The following NID1 variants were observed in gnomAD, a reference collection of about 807,000 sequenced individuals.
The protein encoded by NID1 is nidogen 1.
In NID1, 76 loss-of-function variants were observed where a neutral mutation model predicts 130.6. That is an observed-to-expected ratio of 0.58 (90% CI 0.48 to 0.70). NID1 has a LOEUF of 0.70. Ranked by LOEUF, NID1 falls within the 30% of genes least tolerant of loss-of-function variation. NID1 has a pLI of 0.00. For missense variants in NID1, 1,517 were observed against 1,664.8 expected (o/e 0.91, Z 1.54); for synonymous variants, 665 against 675.1 (o/e 0.98, Z 0.23).
At position 235,993,881 on chromosome 1, in the gene NID1, G is replaced by T; in HGVS notation, c.2528-9C>A. 1 of 1,602,396 alleles carries T rather than the reference G, an allele frequency of 6.2e-7. No homozygotes were observed. ...CCGGGTTTTCTCCACCTCTATCAGA[G>T]AAACAGGCAACAAGAAAGCTGTCAG... On this transcript the variant is annotated splice_polypyrimidine_tract_variant and intron_variant, in intron 12 of 19. Transcript: ENST00000264187.
chr1:235,999,469 G>A (rs540489231), intron 12 of NID1, among the ~76,000 whole-genome samples: 1 of 152,210 alleles, frequency 6.6e-6, no homozygotes, highest in African/African-American at 2.4e-5. Flanking sequence ...GCAGCCCAGG[G>A]GCTCTAGGGA....
intron 7 of NID1, among the ~76,000 whole-genome samples, chr1:236,028,548 A>T (rs528778774): frequency 2.6e-5 from 4 of 152,288 alleles, no homozygotes; most frequent in East Asian, 3.9e-4. Flanking sequence ...ATCACTGTGT[A>T]TCCATGTTAA....
At position 236,064,884 on chromosome 1, in the gene NID1, A is replaced by T. The variant is rs1280917827; in HGVS notation, c.196T>A (p.Tyr66Asn). ...ACTGCGTCGATGTCGGATCTGTCGT[A>T]GAAGCGGAGCGCCCCACTCAGCTCC... ...ALELSGALRF[Y>N]DRSDIDAVYV... The change falls in exon 1 of 20, where the codon TAC becomes AAC. Residue 66 changes from tyrosine to asparagine, a missense_variant. Transcript: ENST00000264187. 1 of 1,612,330 alleles carries T rather than the reference A, an allele frequency of 6.2e-7. No individual in the cohort carries two copies. Among genetic ancestry groups the T allele is most frequent in the East Asian group, 2.2e-5 (1 of 44,822 alleles).
intron 3 of NID1, among the ~76,000 whole-genome samples, chr1:236,043,570 G>A (rs1166516667): frequency 1.3e-5 from 2 of 152,122 alleles, no homozygotes; most frequent in Admixed American, 6.5e-5. Context: ...GGGCTGAGGA[G>A]GGCAGATCAT....
intron 3 of NID1, among the ~76,000 whole-genome samples, chr1:236,043,527 G>T (rs1003029046): frequency 6.6e-6 from 1 of 151,910 alleles, no homozygotes; most frequent in Non-Finnish European, 1.5e-5. Flanking sequence ...GGCCGGGCGC[G>T]GTGGCTCACA....
chr1:236,047,161 A>G (rs1659627089), intron 2 of NID1, among the ~76,000 whole-genome samples: 1 of 152,228 alleles, frequency 6.6e-6, no homozygotes, highest in African/African-American at 2.4e-5. Flanking sequence ...GCAAGTTGCA[A>G]GTTTCCTGAC....
At chr1:236,017,435 G>T (rs1658633717) in intron 9 of NID1, among the ~76,000 whole-genome samples, 162 bp from the exon 10 acceptor site, 1 of 151,916 alleles carries the variant, frequency 6.6e-6, no homozygotes, top group Non-Finnish European at 1.5e-5. Flanking sequence ...CCCAGAGCTG[G>T]AGTGCAATGG....
intron 15 of NID1, among the ~76,000 whole-genome samples, chr1:235,984,581 G>T (rs942406981): frequency 6.6e-6 from 1 of 152,200 alleles, no homozygotes; most frequent in South Asian, 2.1e-4. Context: ...ATATTTTGCA[G>T]AGAACGCAAG....
intron 2 of NID1, among the ~76,000 whole-genome samples, chr1:236,046,606 T>TA (rs926756685): frequency 2.3e-4 from 34 of 146,228 alleles, no homozygotes; most frequent in African/African-American, 6.8e-4. Flanking sequence ...ATACTGCGGA[T>TA]AAAAAAAAAA....
chr1:236,042,559 T>C (rs1659486885), intron 3 of NID1, among the ~76,000 whole-genome samples: 1 of 152,190 alleles, frequency 6.6e-6, no homozygotes, highest in Non-Finnish European at 1.5e-5. Context: ...CCAGGGACAC[T>C]ATCAGGACTT....
intron 12 of NID1, among the ~76,000 whole-genome samples, chr1:236,002,435 G>A (rs576495579): frequency 5.3e-4 from 80 of 152,208 alleles, no homozygotes; most frequent in African/African-American, 1.9e-3. Context: ...CCCGGGAGGC[G>A]GAGGTTGCAG....
At chr1:236,027,419 T>C (rs546457783) in intron 7 of NID1, among the ~76,000 whole-genome samples, 11 of 152,150 alleles carry the variant, frequency 7.2e-5, no homozygotes, top group Non-Finnish European at 1.3e-4. Flanking sequence ...GCAACTGTGG[T>C]CCTGTTGCTC....
intron 5 of NID1, among the ~76,000 whole-genome samples, chr1:236,036,471 A>G (rs1465609331): frequency 6.6e-6 from 1 of 152,196 alleles, no homozygotes; most frequent in East Asian, 1.9e-4. Context: ...CCTCCAGTTG[A>G]CTTTTATTTA....
At chr1:236,033,183 C>G (rs1045590856) in intron 5 of NID1, among the ~76,000 whole-genome samples, 4 of 152,282 alleles carry the variant, frequency 2.6e-5, no homozygotes, top group Middle Eastern at 3.4e-3. Flanking sequence ...TGGCGGGTGC[C>G]TGTAGTCCCA....
Position 236,034,996 on chromosome 1 carries a change from CT to C in NID1, c.1286-2345del, listed in dbSNP as rs11371748. The stretch of plus-strand genomic sequence containing the variant: ...TTCTTTTTTTTTTCTTTCTTTCTTT[CT>C]TTTTTTTTATTATACTTTAAGTTTT... On this transcript the variant is annotated intron_variant, in intron 5 of 19. Transcript: ENST00000264187. Among the ~76,000 whole-genome samples the C allele has an allele frequency of 1.5e-4, 22 of 143,034 alleles. 1 individual carries two copies. The highest frequency in any genetic ancestry group is 5.4e-4 in the African/African-American group (20 of 37,066). The allele number at this position is 143,034 out of a possible 152,430, so 93.8% of individuals were successfully genotyped here.
intron 12 of NID1, among the ~76,000 whole-genome samples, chr1:236,001,934 A>T (rs1157788398): frequency 6.6e-6 from 1 of 152,142 alleles, no homozygotes; most frequent in East Asian, 1.9e-4. Context: ...TTTTAAAATC[A>T]CTGTAGTCAT....
intron 10 of NID1, among the ~76,000 whole-genome samples, chr1:236,016,927 G>A (rs969041747): frequency 2.6e-5 from 4 of 152,170 alleles, no homozygotes; most frequent in South Asian, 2.1e-4. Context: ...CAGGTGAGGC[G>A]ATGGTATTAC....
At position 235,977,545 on chromosome 1, in the gene NID1, C is replaced by T. The variant is rs1657299854; in HGVS notation, c.*322G>A. 2 of 238,556 alleles carry T rather than the reference C, an allele frequency of 8.4e-6. No individual in the cohort carries two copies. The highest frequency in any genetic ancestry group is 1.7e-5 in the Non-Finnish European group (2 of 120,846). 14.8% of individuals were successfully genotyped at this position (238,556 alleles called of 1,614,324 possible). On this transcript the variant is annotated 3_prime_UTR_variant, in exon 20 of 20. Coordinates refer to ENST00000264187, the MANE Select transcript of NID1 (RefSeq NM_002508.3). ...CTCAAATTTGGGAGGTTCTGTTCAC[C>T]ACTGGGGGGCTAGTATTGGGAAAAG...
At chr1:236,057,809 C>T (rs1659938674) in intron 1 of NID1, among the ~76,000 whole-genome samples, 1 of 151,740 alleles carries the variant, frequency 6.6e-6, no homozygotes, top group Non-Finnish European at 1.5e-5. Context: ...CTCAAAAAAC[C>T]TTCTTGATAA....
Sources: gnomAD v4.1 joint callset for allele counts (sites outside exome capture counted in the v4.1 genomes callset) on GRCh38, gnomAD v4.1.1 for gene constraint, MANE v1.5 for transcripts, NCBI Gene and HGNC (gene_info 2026-07-23, HGNC 2026-07-21) for gene names.